Variants in SMURF2 observed in about 807,000 individuals in gnomAD.
SMURF2 encodes SMAD specific E3 ubiquitin protein ligase 2, also known as E3 ubiquitin-protein ligase SMURF2.
Under a neutral mutation model 109.6 loss-of-function variants are expected in SMURF2, and 48 were observed. The ratio of observed to expected loss-of-function variants is 0.44; its 90% CI spans 0.35 to 0.56. The LOEUF (loss-of-function observed/expected upper bound fraction) is 0.56, where lower values mean the gene tolerates loss of function less well. Ranked by LOEUF, SMURF2 falls within the 20% of genes least tolerant of loss-of-function variation. The probability of loss-of-function intolerance (pLI) is 0.01; values close to 1 mark genes in which losing one functional copy is unlikely to be tolerated. For missense variants in SMURF2, 575 were observed against 909.0 expected (o/e 0.63, Z 4.72); for synonymous variants, 288 against 317.1 (o/e 0.91, Z 0.97).
chr17:64,662,279 C>T lies in SMURF2; in HGVS notation c.-399G>A, dbSNP rs1290912444. 5.1e-6 allele frequency: 5 copies of T among 982,272 alleles called. No homozygotes were observed. The highest frequency in any genetic ancestry group is 3.5e-5 in the African/African-American group (2 of 56,442). The allele number at this position is 982,272 out of a possible 1,614,324, so 60.8% of individuals were successfully genotyped here. A position where few individuals can be genotyped will look rare whatever the true frequency, so the allele number is the denominator to read the frequency against. ...GCCGGAGCAGAACTCTGGGCTCGGC[C>T]GCTTCCTCCTCCACCCGCCCTCTTG... On this transcript the variant is annotated 5_prime_UTR_variant, in exon 1 of 19. Coordinates refer to ENST00000262435, the MANE Select transcript of SMURF2 (RefSeq NM_022739.4).
chr17:64,578,698 A>G, intron 8 of SMURF2, 122 bp from the exon 9 acceptor site: 2 of 632,786 alleles, frequency 3.2e-6, no homozygotes, highest in Non-Finnish European at 5.4e-6. Flanking sequence ...TATTTTATTT[A>G]TTATCAAAAA....
At chr17:64,579,778 T>C (rs1486166363) in intron 8 of SMURF2, among the ~76,000 whole-genome samples, 2 of 152,190 alleles carry the variant, frequency 1.3e-5, no homozygotes, top group African/African-American at 2.4e-5. Context: ...AGGATAAAAT[T>C]GAGGCTCAAA....
In SMURF2 at chr17:64,581,873, AGGCAGAGGTTGCAGTG is replaced by A. The variant is rs1198797941; in HGVS notation, c.570-898_570-883del. On this transcript the variant is annotated intron_variant, in intron 7 of 18. Transcript: ENST00000262435. This position sits in a 1 kb window ranked among gnomAD's most constrained non-coding sequence, Gnocchi z 4.3. ...GGTACGAGAATTGCTTGAATCCAGG[AGGCAGAGGTTGCAGTG>A]GGCAGAGGTTGCAGTGAGCCGAGAT... 4.9e-4 allele frequency among the ~76,000 whole-genome samples: 74 copies of A among 151,844 alleles called. No homozygotes were observed. The highest frequency in any genetic ancestry group is 1.8e-3 in the Admixed American group (27 of 15,238).
At chr17:64,652,446 G>T (rs1172233937) in intron 1 of SMURF2, among the ~76,000 whole-genome samples, 2 of 152,152 alleles carry the variant, frequency 1.3e-5, no homozygotes, top group African/African-American at 4.8e-5. Context: ...GAAAACACAG[G>T]AGAGTCCAGA....
At chr17:64,568,236 C>T (rs185094044) in intron 10 of SMURF2, among the ~76,000 whole-genome samples, 6 of 151,694 alleles carry the variant, frequency 4.0e-5, no homozygotes, top group East Asian at 2.0e-4. Flanking sequence ...GCAATCCGCC[C>T]GCCTCAGCCT....
chr17:64,621,446 G>C (rs1555690595), intron 1 of SMURF2, among the ~76,000 whole-genome samples: 1 of 152,018 alleles, frequency 6.6e-6, no homozygotes, highest in Admixed American at 6.6e-5. Flanking sequence ...CAGGCGTCGT[G>C]GCGTGTGCCT....
chr17:64,585,838 T>C (rs1426657888), intron 6 of SMURF2, among the ~76,000 whole-genome samples: 1 of 152,232 alleles, frequency 6.6e-6, no homozygotes, highest in African/African-American at 2.4e-5. Context: ...AAGAGAGTTA[T>C]ATTTGTCAAG....
chr17:64,643,266 A>G (rs746228718), intron 1 of SMURF2, among the ~76,000 whole-genome samples: 1 of 152,018 alleles, frequency 6.6e-6, no homozygotes, highest in African/African-American at 2.4e-5. Context: ...CAAGCCACCC[A>G]CCTGCGCTGG....
At chr17:64,572,505 A>G (rs1445933469) in intron 9 of SMURF2, among the ~76,000 whole-genome samples, 3 of 152,364 alleles carry the variant, frequency 2.0e-5, no homozygotes, top group East Asian at 3.9e-4. Context: ...AAGTTAGTCA[A>G]TGAAGAACCT....
chr17:64,600,584 G>A (rs1307289803), intron 2 of SMURF2, among the ~76,000 whole-genome samples: 1 of 152,132 alleles, frequency 6.6e-6, no homozygotes. Flanking sequence ...AAATAATAAA[G>A]GAGGACCAAA....
At chr17:64,594,491 C>A (rs2144657678) in intron 3 of SMURF2, among the ~76,000 whole-genome samples, 1 of 152,096 alleles carries the variant, frequency 6.6e-6, no homozygotes, top group East Asian at 1.9e-4. Flanking sequence ...AGTACATTCC[C>A]TTTTAAAAAA....
Position 64,569,024 on chromosome 17 carries a change from G to A in SMURF2, c.1016+2774C>T, listed in dbSNP as rs186647051. ...CTCAAAAAAAATTCCAGAACTAGGC[G>A]TGGTGGCTCACACCTGTAATCCCAG... On this transcript the variant is annotated intron_variant, in intron 10 of 18. Coordinates refer to ENST00000262435, the MANE Select transcript of SMURF2 (RefSeq NM_022739.4). 9.7e-5 allele frequency among the ~76,000 whole-genome samples: 14 copies of A among 145,060 alleles called. No individual in the cohort carries two copies. In the East Asian group the frequency reaches 2.3e-3, roughly 24 times the overall value.
intron 10 of SMURF2, 55 bp from the exon 11 acceptor site, chr17:64,563,021 A>T: frequency 7.0e-7 from 1 of 1,431,934 alleles, no homozygotes; most frequent in Non-Finnish European, 9.5e-7. Flanking sequence ...AAAAATTGCA[A>T]TTATAGATTT....
At chr17:64,624,501 T>C (rs755651459) in intron 1 of SMURF2, among the ~76,000 whole-genome samples, 6 of 89,332 alleles carry the variant, frequency 6.7e-5, no homozygotes, top group Non-Finnish European at 1.1e-4. Flanking sequence ...GCCAGGCCTC[T>C]ACAAAAAAAA....
At chr17:64,656,333 T>C (rs962910194) in intron 1 of SMURF2, among the ~76,000 whole-genome samples, 6 of 152,128 alleles carry the variant, frequency 3.9e-5, no homozygotes, top group Admixed American at 1.3e-4. Context: ...CTCAGGTAGA[T>C]CAATAAGAAA....
chr17:64,613,078 C>T (rs1970067475), intron 1 of SMURF2, among the ~76,000 whole-genome samples: 1 of 152,158 alleles, frequency 6.6e-6, no homozygotes, highest in East Asian at 1.9e-4. Context: ...AAAACATGAC[C>T]TGAGAACTGG....
chr17:64,581,216 G>T lies in SMURF2; in HGVS notation c.570-225C>A, dbSNP rs1163994704. 6.6e-6 allele frequency among the ~76,000 whole-genome samples: 1 copy of T among 152,152 alleles called. No homozygotes were observed. Among genetic ancestry groups the T allele is most frequent in the Non-Finnish European group, 1.5e-5 (1 of 68,016 alleles). On this transcript the variant is annotated intron_variant, in intron 7 of 18. Transcript: ENST00000262435. The surrounding 1 kb of genome is among the most constrained non-coding windows in gnomAD (Gnocchi z 4.3). ...CATGTCATCAACTATGTATTTAAAT[G>T]ACTTTAATGACATTTGATATAAAAT...
intron 2 of SMURF2, among the ~76,000 whole-genome samples, chr17:64,605,408 T>G (rs1280887086): frequency 1.3e-5 from 2 of 151,818 alleles, no homozygotes; most frequent in Non-Finnish European, 2.9e-5. Context: ...AAATTTCAAG[T>G]GGAATGAATT....
chr17:64,645,059 G>A (rs542886537), intron 1 of SMURF2, among the ~76,000 whole-genome samples: 42 of 151,756 alleles, frequency 2.8e-4, no homozygotes, highest in Non-Finnish European at 5.4e-4. Flanking sequence ...AAGACTAGGT[G>A]GGGAAGGAGG....
Sources: allele counts gnomAD v4.1 joint callset (sites outside exome capture counted in the v4.1 genomes callset), GRCh38; gene constraint gnomAD v4.1.1; non-coding constraint Gnocchi (gnomAD v3.1); transcripts MANE v1.5; gene names NCBI Gene and HGNC (gene_info 2026-07-23, HGNC 2026-07-21).